ZMIZ2: variants seen among roughly 807,000 people sequenced by gnomAD.
ZMIZ2 encodes the protein zinc finger MIZ-type containing 2.
ZMIZ2 carries 26 observed loss-of-function variants against 93.9 expected under a neutral mutation model. That is an observed-to-expected ratio of 0.28 (90% CI 0.20 to 0.38). The LOEUF (loss-of-function observed/expected upper bound fraction) is 0.38, where lower values mean the gene tolerates loss of function less well. Among genes scored for constraint, ZMIZ2 ranks in the 10% least tolerant of loss-of-function variants. The pLI, the probability that ZMIZ2 is intolerant of heterozygous loss-of-function variation, is 1.00. For missense variants in ZMIZ2, 1,023 were observed against 1,235.0 expected (o/e 0.83, Z 2.57); for synonymous variants, 485 against 516.4 (o/e 0.94, Z 0.82).
At chr7:44,762,040 A>ACATGGG in intron 11 of ZMIZ2, 135 bp downstream of exon 11, 2 of 1,195,980 alleles carry the variant, frequency 1.7e-6, no homozygotes, top group Non-Finnish European at 2.2e-6. Context: ...CGGAGCCAGG[A>ACATGGG]CATGGGCGGG....
rs749823820 is a variant in ZMIZ2 at position 44,756,239 on chromosome 7, C to T, written c.-11C>T. Reference sequence around the variant, plus strand: ...ACTGTCAGACCCGGCCTGTAGGCTGCTCCATTGCCAATGAACTCCATGAAC... The same window carrying T: ...ACTGTCAGACCCGGCCTGTAGGCTGTTCCATTGCCAATGAACTCCATGAAC... On this transcript the variant is annotated 5_prime_UTR_variant, in exon 2 of 19. Transcript: ENST00000309315. 1.9e-6 allele frequency: 3 copies of T among 1,613,900 alleles called. No individual in the cohort carries two copies. In the African/African-American group the frequency reaches 4.0e-5, roughly 22 times the overall value.
At chr7:44,756,664 A>G (rs1296963447) in intron 3 of ZMIZ2, 125 bp downstream of exon 3, 10 of 1,065,476 alleles carry the variant, frequency 9.4e-6, no homozygotes, top group African/African-American at 1.6e-5. Context: ...AGGCTGAGGC[A>G]TGACATATGA....
Position 44,760,487 on chromosome 7 carries a change from G to A in ZMIZ2, c.1134G>A (p.Met378Ile). 1 of 1,614,132 alleles carries A rather than the reference G, an allele frequency of 6.2e-7. No homozygotes were observed. The highest frequency in any genetic ancestry group is 8.5e-7 in the Non-Finnish European group (1 of 1,180,022). The change falls in exon 9 of 19, where the codon ATG (methionine) becomes ATA (isoleucine). Residue 378 changes from methionine (M) to isoleucine (I), a missense_variant. This residue lies in a region of ZMIZ2 where 656 missense variants were observed against 777.1 expected (regional missense o/e 0.84). Coordinates refer to ENST00000309315, the MANE Select transcript of ZMIZ2 (RefSeq NM_031449.4). ...TGCCAGGGAACCCCACGCCACCCATGACCCCAAGCAGCAGCGTCCCTTACA... is the reference window on the plus strand; with the variant it reads ...TGCCAGGGAACCCCACGCCACCCATAACCCCAAGCAGCAGCGTCCCTTACA... Reference protein sequence around the residue: ...SPLPGNPTPPMTPSSSVPYMS... With the variant: ...SPLPGNPTPPITPSSSVPYMS...
At position 44,761,887 on chromosome 7, in the gene ZMIZ2, C is replaced by T. The variant is rs1230984566; in HGVS notation, c.1578C>T (p.Thr526=). The T allele has an allele frequency of 3.1e-6, 5 of 1,613,314 alleles. No homozygotes were observed. The highest frequency in any genetic ancestry group is 2.2e-5 in the East Asian group (1 of 44,874). ...CAGGCCGCAACACCATCCAGATCAC[C>T]GTCACCGCCTGCTGCTGCGTGCGTG... ...CQPGRNTIQI[T]VTACCCSHLF... is the part of the protein sequence containing the mutation. Residue 526 remains threonine, a synonymous_variant, in exon 11 of 19, where the codon ACC becomes ACT. Transcript: ENST00000309315. The surrounding 1 kb of genome is among the most constrained non-coding windows in gnomAD (Gnocchi z 5.8).
At chr7:44,762,483 C>T (rs1297749938) in intron 11 of ZMIZ2, among the ~76,000 whole-genome samples, 1 of 152,188 alleles carries the variant, frequency 6.6e-6, no homozygotes, top group African/African-American at 2.4e-5. Context: ...ACGGGTTGGC[C>T]ACACACCACA....
chr7:44,751,892 G>T (rs1790179585), intron 1 of ZMIZ2, among the ~76,000 whole-genome samples: 1 of 151,992 alleles, frequency 6.6e-6, no homozygotes, highest in African/African-American at 2.4e-5. Context: ...AACCTGGGAG[G>T]TGGAGGTTGC....
At chr7:44,759,818 A>C in intron 7 of ZMIZ2, 1 of 451,796 alleles carries the variant, frequency 2.2e-6, no homozygotes, top group Non-Finnish European at 3.9e-6. Context: ...AGAGAAATCC[A>C]TTGAGAGGAC....
Position 44,756,613 on chromosome 7 carries a change from A to C in ZMIZ2, c.165+74A>C, listed in dbSNP as rs1010503123. 44 of 1,482,972 alleles carry C rather than the reference A, an allele frequency of 3.0e-5. 1 individual carries two copies. In the Middle Eastern group the frequency reaches 5.3e-4, roughly 18 times the overall value. 91.9% of individuals were successfully genotyped at this position (1,482,972 alleles called of 1,614,324 possible). ...ACTTGGCAGTGCTTAGTGCCTCCTC[A>C]GAGCTCTGAGAGACGAAGAGGCTGA... On this transcript the variant is annotated intron_variant, in intron 3 of 18. Coordinates refer to ENST00000309315, the MANE Select transcript of ZMIZ2 (RefSeq NM_031449.4).
In ZMIZ2 at chr7:44,756,257, C is replaced by T; in HGVS notation, c.8C>T (p.Ser3Phe). 1 of 1,614,042 alleles carries T rather than the reference C, an allele frequency of 6.2e-7. No individual in the cohort carries two copies. Among genetic ancestry groups the T allele is most frequent in the Non-Finnish European group, 8.5e-7 (1 of 1,180,004 alleles). MN[S>F]MNPMKPALPP... ...TAGGCTGCTCCATTGCCAATGAACTCCATGAACCCCATGAAACCTGCCCTG... is the reference window on the plus strand; with the variant it reads ...TAGGCTGCTCCATTGCCAATGAACTTCATGAACCCCATGAAACCTGCCCTG... The change falls in exon 2 of 19, where the codon TCC becomes TTC. Residue 3 changes from serine (S) to phenylalanine (F), a missense_variant. Around this residue, in one of 3 missense-constraint regions of ZMIZ2, gnomAD observed 656 missense variants for 777.1 expected, o/e 0.84. Coordinates refer to ENST00000309315, the MANE Select transcript of ZMIZ2 (RefSeq NM_031449.4).
At chr7:44,755,569 G>T (rs915866608) in intron 1 of ZMIZ2, among the ~76,000 whole-genome samples, 3 of 152,150 alleles carry the variant, frequency 2.0e-5, no homozygotes, top group Non-Finnish European at 2.9e-5. Flanking sequence ...GAGGTATCCT[G>T]CATGTCCCTC....
chr7:44,759,847 A>C (rs952748483), intron 7 of ZMIZ2: 3 of 503,492 alleles, frequency 6.0e-6, no homozygotes, highest in African/African-American at 4.0e-5. Flanking sequence ...GCTGCTGGCC[A>C]TGTACCCTTT....
chr7:44,767,523 C>T lies in ZMIZ2; in HGVS notation c.2663C>T (p.Pro888Leu), dbSNP rs1791843016. The T allele has an allele frequency of 6.2e-6, 10 of 1,613,964 alleles. No individual in the cohort carries two copies. In the East Asian group the frequency reaches 6.7e-5, roughly 11 times the overall value. Residue 888 changes from proline (P) to leucine (L), a missense_variant, in exon 19 of 19, where the codon CCG becomes CTG. By Grantham distance (98) the Pro-to-Leu change is moderately conservative. Around this residue, in one of 3 missense-constraint regions of ZMIZ2, gnomAD observed 319 missense variants for 358.8 expected, o/e 0.89. Transcript: ENST00000309315. ...EAPEPALDLL[P>L]ELTNPDELLS... Reference sequence around the variant, plus strand: ...AGTTCACTTTGTCCTCAGCTGCTCCCGGAACTGACCAACCCTGATGAGCTA... The same window carrying T: ...AGTTCACTTTGTCCTCAGCTGCTCCTGGAACTGACCAACCCTGATGAGCTA...
At position 44,764,844 on chromosome 7, in the gene ZMIZ2, G is replaced by T. The variant is rs1260781660; in HGVS notation, c.1929-97G>T. The T allele has an allele frequency of 6.8e-6, 9 of 1,318,978 alleles. 2 individuals carry two copies. In the South Asian group the frequency reaches 1.2e-4, roughly 17 times the overall value. 81.7% of individuals were successfully genotyped at this position (1,318,978 alleles called of 1,614,324 possible). A position where few individuals can be genotyped will look rare whatever the true frequency, so the allele number is the denominator to read the frequency against. ...GTTGCCTCACACAGGATTGCCTCAT[G>T]CAGGGTCACAGCTGACAGGGCTGAG... On this transcript the variant is annotated intron_variant, in intron 14 of 18. Transcript: ENST00000309315.
In ZMIZ2 at chr7:44,757,054, G is replaced by A; in HGVS notation, c.273G>A (p.Gln91=). Residue 91 remains glutamine, a synonymous_variant, in exon 4 of 19, where the codon CAG becomes CAA. Coordinates refer to ENST00000309315, the MANE Select transcript of ZMIZ2 (RefSeq NM_031449.4). ...TGACCTCCCCACAGTGCCTGGGACA[G>A]CAGGCGTTTGCTGAAGGCGGCGCCA... ...SALTSPQCLG[Q]QAFAEGGANK... is the part of the protein sequence containing the mutation. The A allele has an allele frequency of 1.2e-6, 2 of 1,609,480 alleles. No individual in the cohort carries two copies. Among genetic ancestry groups the A allele is most frequent in the Non-Finnish European group, 8.5e-7 (1 of 1,178,370 alleles).
In ZMIZ2 at chr7:44,761,339, C is replaced by T; in HGVS notation, c.1241-110C>T. Reference sequence around the variant, plus strand: ...AGTGCCTGACAGGAGGGGCTCCCTTCACCAAGGTCCCTGCGGGGAAGGTGG... The same window carrying T: ...AGTGCCTGACAGGAGGGGCTCCCTTTACCAAGGTCCCTGCGGGGAAGGTGG... On this transcript the variant is annotated intron_variant, in intron 9 of 18. Transcript: ENST00000309315. This position sits in a 1 kb window ranked among gnomAD's most constrained non-coding sequence, Gnocchi z 5.8. 6.6e-7 allele frequency: 1 copy of T among 1,505,262 alleles called. No individual in the cohort carries two copies. The highest frequency in any genetic ancestry group is 8.8e-7 in the Non-Finnish European group (1 of 1,131,904). 93.2% of individuals were successfully genotyped at this position (1,505,262 alleles called of 1,614,324 possible). A position where few individuals can be genotyped will look rare whatever the true frequency, so the allele number is the denominator to read the frequency against.
intron 1 of ZMIZ2, 77 bp from the exon 2 acceptor site, chr7:44,756,111 C>T: frequency 8.4e-7 from 1 of 1,187,556 alleles, no homozygotes; most frequent in Non-Finnish European, 1.2e-6. Flanking sequence ...GGCCTGCTGG[C>T]ACCGGGGTCC....
chr7:44,765,788 AG>A lies in ZMIZ2; in HGVS notation c.2242+211del, dbSNP rs1583659411. 1.2e-5 allele frequency: 12 copies of A among 1,021,492 alleles called. No individual in the cohort carries two copies. Among genetic ancestry groups the A allele is most frequent in the Non-Finnish European group, 1.5e-5 (11 of 724,800 alleles). The allele number at this position is 1,021,492 out of a possible 1,614,324, so 63.3% of individuals were successfully genotyped here. On this transcript the variant is annotated intron_variant, in intron 16 of 18. Coordinates refer to ENST00000309315, the MANE Select transcript of ZMIZ2 (RefSeq NM_031449.4). This position sits in a 1 kb window ranked among gnomAD's most constrained non-coding sequence, Gnocchi z 4.1. The stretch of plus-strand genomic sequence containing the variant: ...AAGGCACAGTCTCAGCTATGGTCCC[AG>A]GAAACAGACAGTGGGGCCTCCACCC...
chr7:44,759,987 C>T (rs1171478922), intron 7 of ZMIZ2, 164 bp from the exon 8 acceptor site: 10 of 738,286 alleles, frequency 1.4e-5, no homozygotes, highest in Non-Finnish European at 2.2e-5. Context: ...TGATCATTTT[C>T]CTCTGTGGCT....
rs754709628 is a variant in ZMIZ2 at position 44,764,977 on chromosome 7, G to T, written c.1965G>T (p.Gln655His). ...TGCTGGAGGGCCTGGAGGTGGACCA[G>T]TACATGCTGGGCATCCTGATTTACA... is the stretch of plus-strand genomic sequence containing the variant. Reference protein sequence around the residue: ...TALLEGLEVDQYMLGILIYIQ... With the variant: ...TALLEGLEVDHYMLGILIYIQ... The change falls in exon 15 of 19, where the codon CAG becomes CAT. Residue 655 changes from glutamine to histidine, a missense_variant. Around this residue, in one of 3 missense-constraint regions of ZMIZ2, gnomAD observed 319 missense variants for 358.8 expected, o/e 0.89. Coordinates refer to ENST00000309315, the MANE Select transcript of ZMIZ2 (RefSeq NM_031449.4). 6.2e-7 allele frequency: 1 copy of T among 1,614,238 alleles called. No individual in the cohort carries two copies. Among genetic ancestry groups the T allele is most frequent in the South Asian group, 1.1e-5 (1 of 91,088 alleles).
Sources: allele counts gnomAD v4.1 joint callset (sites outside exome capture counted in the v4.1 genomes callset), GRCh38; gene constraint gnomAD v4.1.1; regional missense constraint gnomAD v4.1.1; non-coding constraint Gnocchi (gnomAD v3.1); transcripts MANE v1.5; gene names NCBI Gene and HGNC (gene_info 2026-07-23, HGNC 2026-07-21).